NTRK2: variants seen among roughly 807,000 people sequenced by gnomAD.
NTRK2 encodes neurotrophic receptor tyrosine kinase 2.
A neutral mutation model predicts 94.5 loss-of-function variants in NTRK2; 13 were observed. The observed-to-expected ratio is 0.14, with a 90% CI of 0.09 to 0.22. The LOEUF is 0.22. Among genes scored for constraint, NTRK2 ranks in the 10% least tolerant of loss-of-function variants. NTRK2 has a pLI of 1.00. For missense variants in NTRK2, 639 were observed against 1,071.2 expected (o/e 0.60, Z 5.63); for synonymous variants, 372 against 407.4 (o/e 0.91, Z 1.05).
chr9:84,865,841 C>A (rs2075567312), intron 13 of NTRK2, among the ~76,000 whole-genome samples: 1 of 152,194 alleles, frequency 6.6e-6, no homozygotes, highest in Non-Finnish European at 1.5e-5. Flanking sequence ...TCTTGTGCAC[C>A]TCCCACGTAG....
At chr9:84,849,832 T>A (rs1197989687) in intron 12 of NTRK2, among the ~76,000 whole-genome samples, 1 of 152,232 alleles carries the variant, frequency 6.6e-6, no homozygotes, top group East Asian at 1.9e-4. Context: ...GTGGGCATTT[T>A]ATGTCCTATT....
At chr9:84,674,742 A>AT (rs747740108) in intron 2 of NTRK2, among the ~76,000 whole-genome samples, 45 of 152,276 alleles carry the variant, frequency 3.0e-4, no homozygotes, top group Middle Eastern at 3.4e-3. Flanking sequence ...TAGTGTAGGT[A>AT]TTTACAGACA....
At chr9:85,017,922 T>C (rs565666041) in intron 17 of NTRK2, among the ~76,000 whole-genome samples, 1 of 152,316 alleles carries the variant, frequency 6.6e-6, no homozygotes, top group South Asian at 2.1e-4. Flanking sequence ...AGCTCTTCTT[T>C]ATAGGGTAGG....
rs200872892 is a variant in NTRK2, at chr9:84,873,054, T to C, written c.1633+5623T>C. On this transcript the variant is annotated intron_variant, in intron 14 of 18. Transcript: ENST00000277120. ...TACATCCAGGACCCCAGAAGCTCAT[T>C]AGATCAAAGAGTGCGGGGCCCCTCA... The C allele has an allele frequency of 1.9e-5, 20 of 1,063,512 alleles. No individual in the cohort carries two copies. In the African/African-American group the frequency reaches 2.8e-4, roughly 15 times the overall value. The allele number at this position is 1,063,512 out of a possible 1,614,324, so 65.9% of individuals were successfully genotyped here. A position where few individuals can be genotyped will look rare whatever the true frequency, so the allele number is the denominator to read the frequency against.
chr9:84,734,593 T>C (rs2063122408), intron 9 of NTRK2, among the ~76,000 whole-genome samples: 1 of 152,180 alleles, frequency 6.6e-6, no homozygotes. Flanking sequence ...GGGAGGTAAT[T>C]GAATCATGGG....
chr9:84,720,375 G>A (rs189904085), intron 6 of NTRK2, among the ~76,000 whole-genome samples: 7 of 152,322 alleles, frequency 4.6e-5, no homozygotes, highest in African/African-American at 1.2e-4. Context: ...TAAAGAATAT[G>A]ATGGATTTAC....
rs566957138 is a variant in NTRK2, at chr9:84,993,563, A to G, written c.2173-26643A>G. 2.0e-4 allele frequency among the ~76,000 whole-genome samples: 31 copies of G among 152,370 alleles called. No homozygotes were observed. In the East Asian group the frequency reaches 5.8e-3, roughly 28 times the overall value. The stretch of plus-strand genomic sequence containing the variant: ...GCTCCCACTGCAATCCCTACTCTGC[A>G]CAGCAGCCAGAGTGTCCTTTGTAGA... On this transcript the variant is annotated intron_variant, in intron 17 of 18. Transcript: ENST00000277120.
chr9:84,786,932 CA>C (rs1293746755), intron 12 of NTRK2, among the ~76,000 whole-genome samples: 12 of 152,072 alleles, frequency 7.9e-5, no homozygotes, highest in Admixed American at 4.6e-4. Context: ...AGAAAGAAGC[CA>C]TTCTGTTTCT....
chr9:84,941,512 G>C (rs1178407410), intron 15 of NTRK2, among the ~76,000 whole-genome samples: 6 of 152,142 alleles, frequency 3.9e-5, no homozygotes, highest in African/African-American at 1.4e-4. Context: ...AACATAGCTG[G>C]AGGATTCATT....
At position 85,021,264 on chromosome 9, in the gene NTRK2, A is replaced by G; in HGVS notation, c.2344A>G (p.Ile782Val). 15 of 1,613,920 alleles carry G rather than the reference A, an allele frequency of 9.3e-6. 1 individual carries two copies. The highest frequency in any genetic ancestry group is 1.3e-5 in the Non-Finnish European group (15 of 1,179,940). The part of the protein sequence containing the change: ...QLSNNEVIEC[I>V]TQGRVLQRPR... ...GATCTCCATCCAGGTGATAGAGTGT[A>G]TCACTCAGGGCCGAGTCCTGCAGCG... The change falls in exon 19 of 19, where the codon ATC (isoleucine) becomes GTC (valine). Residue 782 changes from isoleucine to valine, a missense_variant. Ile to Val is a conservative substitution (Grantham distance 29, BLOSUM62 3). This residue lies in a region of NTRK2 where 77 missense variants were observed against 203.6 expected (regional missense o/e 0.38). Transcript: ENST00000277120.
At chr9:84,970,735 C>G (rs549243006) in intron 17 of NTRK2, among the ~76,000 whole-genome samples, 2 of 152,310 alleles carry the variant, frequency 1.3e-5, no homozygotes, top group Admixed American at 6.5e-5. Context: ...AGGCAATCCC[C>G]CATCCTATCC....
intron 9 of NTRK2, among the ~76,000 whole-genome samples, chr9:84,730,459 G>GCAAAAAAAAAAAAAAAAAAAATCCCT (rs1226771200): frequency 7.8e-6 from 1 of 127,576 alleles, no homozygotes; most frequent in African/African-American, 3.9e-5. Context: ...AAGAAAAATA[G>GCAAAAAAAAAAAAAAAAAAAATCCCT]GCCGGGCGCG....
chr9:84,775,184 A>C (rs1412670096), intron 12 of NTRK2, among the ~76,000 whole-genome samples: 1 of 152,204 alleles, frequency 6.6e-6, no homozygotes, highest in African/African-American at 2.4e-5. Flanking sequence ...AAGATGTGGG[A>C]GCTGAGAGGT....
rs1033985987 is a variant in NTRK2, at chr9:84,723,444, A to G, written c.584-129A>G. On this transcript the variant is annotated intron_variant, in intron 6 of 18. Coordinates refer to ENST00000277120, the MANE Select transcript of NTRK2 (RefSeq NM_006180.6). Reference sequence around the variant, plus strand: ...CAAAGTAGCACTTTTTCAGATCAACAGAAATCAGTCTCAAAAAGCAATTAA... The same window carrying G: ...CAAAGTAGCACTTTTTCAGATCAACGGAAATCAGTCTCAAAAAGCAATTAA... 3.9e-5 allele frequency: 42 copies of G among 1,067,716 alleles called. No homozygotes were observed. In the East Asian group the frequency reaches 9.7e-4, roughly 25 times the overall value. 66.1% of individuals were successfully genotyped at this position (1,067,716 alleles called of 1,614,324 possible).
In NTRK2 at chr9:84,931,957, G is replaced by A. The variant is rs138915494; in HGVS notation, c.1634-2205G>A. On this transcript the variant is annotated intron_variant, in intron 14 of 18. Coordinates refer to ENST00000277120, the MANE Select transcript of NTRK2 (RefSeq NM_006180.6). ...TTCAGTCGTTGTCACTGGAGCATGAGAAATTAATATACGTTCTTATATTCA... is the reference window on the plus strand; with the variant it reads ...TTCAGTCGTTGTCACTGGAGCATGAAAAATTAATATACGTTCTTATATTCA... Among the ~76,000 whole-genome samples, 328 of 152,228 alleles carry A rather than the reference G, an allele frequency of 2.2e-3. 1 individual carries two copies. The highest frequency in any genetic ancestry group is 7.6e-3 in the African/African-American group (315 of 41,550).
intron 9 of NTRK2, among the ~76,000 whole-genome samples, chr9:84,741,375 C>T (rs1029057670): frequency 6.6e-6 from 1 of 152,164 alleles, no homozygotes; most frequent in African/African-American, 2.4e-5. Flanking sequence ...GCCCTAGAAA[C>T]TCCCCTGAAG....
intron 12 of NTRK2, chr9:84,812,584 C>G: frequency 9.6e-7 from 1 of 1,046,678 alleles, no homozygotes. Context: ...GAAATCATGA[C>G]CCTGAAAGAG....
At chr9:84,997,951 G>A (rs563811487) in intron 17 of NTRK2, among the ~76,000 whole-genome samples, 1 of 152,292 alleles carries the variant, frequency 6.6e-6, no homozygotes, top group Admixed American at 6.5e-5. Context: ...AGCCCCTGCT[G>A]TGATAACCGG....
At position 85,023,897 on chromosome 9, in the gene NTRK2, G is replaced by T. The variant is rs1289402915; in HGVS notation, c.*2460G>T. On this transcript the variant is annotated 3_prime_UTR_variant, in exon 19 of 19. Coordinates refer to ENST00000277120, the MANE Select transcript of NTRK2 (RefSeq NM_006180.6). ...AGAATAAAGTAGGTAATAATTTAAGGGATCAAATTCAAGGAGGAATGTGCA... is the reference window on the plus strand; with the variant it reads ...AGAATAAAGTAGGTAATAATTTAAGTGATCAAATTCAAGGAGGAATGTGCA... 1.3e-5 allele frequency: 3 copies of T among 229,376 alleles called. No homozygotes were observed. The highest frequency in any genetic ancestry group is 6.7e-5 in the African/African-American group (3 of 45,046). The allele number at this position is 229,376 out of a possible 1,614,324, so 14.2% of individuals were successfully genotyped here. A position where few individuals can be genotyped will look rare whatever the true frequency, so the allele number is the denominator to read the frequency against.
Sources: gnomAD v4.1 joint callset for allele counts (sites outside exome capture counted in the v4.1 genomes callset) on GRCh38, gnomAD v4.1.1 for gene constraint, gnomAD v4.1.1 regional missense constraint, MANE v1.5 for transcripts, NCBI Gene and HGNC (gene_info 2026-07-23, HGNC 2026-07-21) for gene names.